NDUFAF6: variants seen among roughly 807,000 people sequenced by gnomAD.
NDUFAF6 encodes the protein NADH dehydrogenase (ubiquinone) complex I, assembly factor 6.
NDUFAF6 carries 45 observed loss-of-function variants against 40.8 expected under a neutral mutation model. The ratio of observed to expected loss-of-function variants is 1.10; its 90% CI spans 0.87 to 1.42. NDUFAF6 has a LOEUF of 1.42. Ranked by LOEUF, NDUFAF6 falls within the 40% of genes most tolerant of loss-of-function variation. NDUFAF6 has a pLI of 0.00. For missense variants in NDUFAF6, 435 were observed against 418.5 expected (o/e 1.04, Z -0.34); for synonymous variants, 185 against 155.9 (o/e 1.19, Z -1.39).
At chr8:95,081,304 T>C (rs1808860256) in intron 2 of NDUFAF6, among the ~76,000 whole-genome samples, 2 of 151,736 alleles carry the variant, frequency 1.3e-5, no homozygotes, top group Admixed American at 1.3e-4. Context: ...TCTGGAGCCG[T>C]TGGGACTACA....
In NDUFAF6 at chr8:94,940,253, G is replaced by A. The variant is rs777288884; in HGVS notation, c.-935-5230G>A. 3.0e-5 allele frequency: 47 copies of A among 1,560,034 alleles called. No homozygotes were observed. The African/African-American group carries it at 5.9e-4, about 19-fold the overall frequency. On this transcript the variant is annotated intron_variant, in intron 1 of 14. Coordinates refer to the NDUFAF6 transcript ENST00000396113. The stretch of plus-strand genomic sequence containing the variant: ...GTAGTCCACATTGCAGTCCACATGT[G>A]TTGTTGAAGAGTCCCACAGGAGGAT...
intron 1 of NDUFAF6, among the ~76,000 whole-genome samples, chr8:94,904,367 A>G (rs1439844721): frequency 2.5e-4 from 25 of 100,150 alleles, no homozygotes; most frequent in African/African-American, 1.1e-3. Flanking sequence ...TAGTAAAGAC[A>G]GGGTTTCACC....
intron 1 of NDUFAF6, among the ~76,000 whole-genome samples, chr8:94,933,390 A>G (rs1820622237): frequency 6.7e-6 from 1 of 150,034 alleles, no homozygotes; most frequent in African/African-American, 2.5e-5. Flanking sequence ...AAAAAGAAGG[A>G]AGGAAGAAGA....
At chr8:94,990,894 T>C (rs2131616523) in intron 2 of NDUFAF6, among the ~76,000 whole-genome samples, 1 of 152,318 alleles carries the variant, frequency 6.6e-6, no homozygotes, top group South Asian at 2.1e-4. Context: ...CCATTTATGC[T>C]CAGACAATAA....
chr8:94,952,765 T>C (rs1285517549), intron 2 of NDUFAF6, among the ~76,000 whole-genome samples: 3 of 152,226 alleles, frequency 2.0e-5, no homozygotes, highest in South Asian at 2.1e-4. Context: ...GACTTTTGTA[T>C]GTTTGTCTTT....
At chr8:95,093,500 C>T (rs747855790) in intron 2 of NDUFAF6, among the ~76,000 whole-genome samples, 3 of 152,168 alleles carry the variant, frequency 2.0e-5, no homozygotes, top group African/African-American at 7.2e-5. Flanking sequence ...ATAACTCATA[C>T]CCTATAGTTC....
At chr8:95,075,728 G>T (rs1396836255) in exon 10 of NDUFAF6, 1 of 1,286,500 alleles carries the variant, frequency 7.8e-7, no homozygotes, top group East Asian at 5.6e-5. Flanking sequence ...AAGGACTCTG[G>T]TTCTAGGCAT....
chr8:95,075,417 AATACACAGTCTCAAAAT>A (rs1832997813), intron 9 of NDUFAF6, among the ~76,000 whole-genome samples: 1 of 152,236 alleles, frequency 6.6e-6, no homozygotes, highest in African/African-American at 2.4e-5. Context: ...ACCAGGGCCA[AATACACAGTCTCAAAAT>A]GCTTGGAATG....
intron 8 of NDUFAF6, 97 bp from the exon 9 acceptor site, chr8:95,057,708 TAAAA>T: frequency 1.0e-6 from 1 of 953,990 alleles, no homozygotes; most frequent in Non-Finnish European, 1.6e-6. Context: ...TCAGGGAAAC[TAAAA>T]TAGCCTAAAT....
chr8:95,063,524 G>A (rs1403481639), downstream of NDUFAF6, among the ~76,000 whole-genome samples: 2 of 152,136 alleles, frequency 1.3e-5, no homozygotes, highest in Non-Finnish European at 2.9e-5. Flanking sequence ...TTGAACCCAG[G>A]AGGCAGAGGT....
At chr8:94,917,091 A>C (rs1253839798) in intron 1 of NDUFAF6, among the ~76,000 whole-genome samples, 6 of 142,622 alleles carry the variant, frequency 4.2e-5, no homozygotes, top group Non-Finnish European at 7.6e-5. Context: ...AGCCTGGGTG[A>C]CAGAGCGAGA....
intron 1 of NDUFAF6, among the ~76,000 whole-genome samples, chr8:95,027,600 A>G (rs1377902869): frequency 2.7e-5 from 4 of 149,538 alleles, no homozygotes; most frequent in African/African-American, 7.4e-5. Context: ...AAAAAAAAAG[A>G]TTCGGTTTTT....
At chr8:95,026,192 C>G (rs1828106123) in intron 1 of NDUFAF6, among the ~76,000 whole-genome samples, 1 of 152,014 alleles carries the variant, frequency 6.6e-6, no homozygotes. Flanking sequence ...GTGGGCCGGC[C>G]GCGGTGGCTA....
chr8:95,008,471 C>T (rs1260192863), intron 2 of NDUFAF6, among the ~76,000 whole-genome samples: 2 of 152,166 alleles, frequency 1.3e-5, no homozygotes, highest in African/African-American at 4.8e-5. Context: ...AGAGCTAGTA[C>T]TAAAAACAGT....
chr8:95,095,428 C>T (rs1409932702), upstream of NDUFAF6, among the ~76,000 whole-genome samples: 4 of 152,122 alleles, frequency 2.6e-5, no homozygotes, highest in Non-Finnish European at 5.9e-5. Flanking sequence ...CAGTGGCCTC[C>T]TCTCAACCAA....
chr8:94,998,574 A>C (rs1826568748), intron 2 of NDUFAF6, among the ~76,000 whole-genome samples: 1 of 152,202 alleles, frequency 6.6e-6, no homozygotes, highest in Admixed American at 6.5e-5. Context: ...TGAGTGCTAT[A>C]GACATGGTGT....
intron 2 of NDUFAF6, among the ~76,000 whole-genome samples, chr8:94,993,961 G>A (rs544692135): frequency 6.6e-6 from 1 of 152,200 alleles, no homozygotes; most frequent in Admixed American, 6.5e-5. Context: ...TGTGGGAAGG[G>A]GAAAAGGTCT....
chr8:95,018,865 T>C (rs1273680933), intron 2 of NDUFAF6, among the ~76,000 whole-genome samples: 7 of 152,216 alleles, frequency 4.6e-5, no homozygotes, highest in Admixed American at 4.6e-4. Flanking sequence ...ATCACAGATA[T>C]GCTATATTCC....
rs529573546 is a variant in NDUFAF6 at position 95,040,405 on chromosome 8, C to T, written c.421-1165C>T. Among the ~76,000 whole-genome samples, 3 of 152,240 alleles carry T rather than the reference C, an allele frequency of 2.0e-5. No individual in the cohort carries two copies. In the South Asian group the frequency reaches 6.2e-4, roughly 32 times the overall value. On this transcript the variant is annotated intron_variant, in intron 3 of 8. Coordinates refer to ENST00000396124, the MANE Select transcript of NDUFAF6 (RefSeq NM_152416.4). ...ACTGTATAATTCTGCTTGCAGTAAT[C>T]AACAGTTTTTGAGGAGACATTTTAA...
Sources: allele counts gnomAD v4.1 joint callset (sites outside exome capture counted in the v4.1 genomes callset), GRCh38; gene constraint gnomAD v4.1.1; transcripts MANE v1.5; gene names NCBI Gene and HGNC (gene_info 2026-07-23, HGNC 2026-07-21).